FARS2: variants seen among roughly 807,000 people sequenced by gnomAD.
FARS2 encodes phenylalanine--tRNA ligase, mitochondrial.
FARS2 carries 40 observed loss-of-function variants against 46.4 expected under a neutral mutation model. That is an observed-to-expected ratio of 0.86 (90% CI 0.67 to 1.12). The LOEUF (loss-of-function observed/expected upper bound fraction) is 1.12, where lower values mean the gene tolerates loss of function less well. Ranked by LOEUF, FARS2 falls within the 50% of genes most tolerant of loss-of-function variation. FARS2 has a pLI of 0.00. For missense variants in FARS2, 513 were observed against 567.9 expected (o/e 0.90, Z 0.98); for synonymous variants, 234 against 214.9 (o/e 1.09, Z -0.78).
chr6:5,639,270 C>T (rs892256938), intron 6 of FARS2, among the ~76,000 whole-genome samples: 5 of 152,212 alleles, frequency 3.3e-5, no homozygotes, highest in South Asian at 2.1e-4. Flanking sequence ...TTCAGCCTTT[C>T]GGTGGCCAGC....
upstream of FARS2, among the ~76,000 whole-genome samples, chr6:5,257,796 T>C (rs944524982): frequency 1.3e-5 from 2 of 152,182 alleles, no homozygotes; most frequent in African/African-American, 2.4e-5. Flanking sequence ...ATGGAAAAAC[T>C]GTCTTCCATG....
At chr6:5,544,833 C>G (rs1770863255) in intron 4 of FARS2, among the ~76,000 whole-genome samples, 1 of 152,126 alleles carries the variant, frequency 6.6e-6, no homozygotes, top group African/African-American at 2.4e-5. Context: ...ACTCTGTAAC[C>G]TATATTCAGT....
intron 3 of FARS2, among the ~76,000 whole-genome samples, chr6:5,430,294 T>A (rs1763088755): frequency 6.6e-6 from 1 of 152,178 alleles, no homozygotes; most frequent in South Asian, 2.1e-4. Context: ...GTTTCTCTGC[T>A]TTTAGTGACC....
At chr6:5,514,474 G>A (rs529924434) in intron 4 of FARS2, among the ~76,000 whole-genome samples, 7 of 152,296 alleles carry the variant, frequency 4.6e-5, no homozygotes, top group African/African-American at 1.4e-4. Flanking sequence ...TGTTCTAAAT[G>A]TCTAAAAGTT....
intron 2 of FARS2, among the ~76,000 whole-genome samples, chr6:5,373,473 A>G (rs573855056): frequency 1.4e-4 from 21 of 152,276 alleles, no homozygotes; most frequent in Non-Finnish European, 2.9e-4. Context: ...TGTAGGACAT[A>G]TTCAGGCTGT....
intron 6 of FARS2, among the ~76,000 whole-genome samples, chr6:5,717,125 A>C (rs1439697985): frequency 6.6e-6 from 1 of 152,172 alleles, no homozygotes; most frequent in Non-Finnish European, 1.5e-5. Context: ...GGGAACTTAT[A>C]ACCTACAGTC....
In FARS2 at chr6:5,471,613, A is replaced by G; in HGVS notation, c.904+40441A>G. Among the ~76,000 whole-genome samples the G allele has an allele frequency of 6.6e-6, 1 of 152,206 alleles. No individual in the cohort carries two copies. Among genetic ancestry groups the G allele is most frequent in the Admixed American group, 6.5e-5 (1 of 15,286 alleles). On this transcript the variant is annotated intron_variant, in intron 4 of 6. Transcript: ENST00000274680. This position sits in a 1 kb window ranked among gnomAD's most constrained non-coding sequence, Gnocchi z 4.1. ...TAGTGGCTCTTTGCTTTTAACCAAC[A>G]AAGGCCCTTAAGAAAAGGAAAATGA...
chr6:5,397,491 G>C (rs1760979683), intron 2 of FARS2, among the ~76,000 whole-genome samples: 2 of 152,190 alleles, frequency 1.3e-5, no homozygotes, highest in South Asian at 4.1e-4. Context: ...TGTAACAAGT[G>C]TACCACTCTG....
intron 5 of FARS2, among the ~76,000 whole-genome samples, chr6:5,572,557 G>A (rs1336272364): frequency 1.3e-5 from 2 of 151,950 alleles, no homozygotes; most frequent in East Asian, 1.9e-4. Context: ...ACAAATGTAC[G>A]ATCTCCTCTT....
At chr6:5,556,919 A>G (rs1771694112) in intron 5 of FARS2, among the ~76,000 whole-genome samples, 1 of 152,130 alleles carries the variant, frequency 6.6e-6, no homozygotes, top group South Asian at 2.1e-4. Context: ...AATATATTTT[A>G]GGAATCATCT....
In FARS2 at chr6:5,388,464, C is replaced by T. The variant is rs79429649; in HGVS notation, c.613-16078C>T. ...TTTTGGTGACAAGATCGTGTACCATCGCCAGTAATAAAATAGTTCTCTATG... is the reference window on the plus strand; with the variant it reads ...TTTTGGTGACAAGATCGTGTACCATTGCCAGTAATAAAATAGTTCTCTATG... On this transcript the variant is annotated intron_variant, in intron 2 of 6. Coordinates refer to ENST00000274680, the MANE Select transcript of FARS2 (RefSeq NM_006567.5). Among the ~76,000 whole-genome samples, 1,261 of 152,216 alleles carry T rather than the reference C, an allele frequency of 8.3e-3. 12 individuals are homozygous for T. Among genetic ancestry groups the T allele is most frequent in the African/African-American group, 0.028 (1,178 of 41,538 alleles).
In FARS2 at chr6:5,771,282, T is replaced by A. The variant is rs748697780; in HGVS notation, c.1218-9T>A. On this transcript the variant is annotated splice_polypyrimidine_tract_variant and intron_variant, in intron 6 of 6. Coordinates refer to ENST00000274680, the MANE Select transcript of FARS2 (RefSeq NM_006567.5). Reference sequence around the variant, plus strand: ...CCCGCACTCACCTGTGTTCTCTTCCTCTCTGTAGGACGCACAAGACCAGCC... The same window carrying A: ...CCCGCACTCACCTGTGTTCTCTTCCACTCTGTAGGACGCACAAGACCAGCC... 1 of 1,613,978 alleles carries A rather than the reference T, an allele frequency of 6.2e-7. No homozygotes were observed. The highest frequency in any genetic ancestry group is 8.5e-7 in the Non-Finnish European group (1 of 1,179,948).
chr6:5,392,115 C>T (rs748238196), intron 2 of FARS2, among the ~76,000 whole-genome samples: 1 of 152,034 alleles, frequency 6.6e-6, no homozygotes, highest in Non-Finnish European at 1.5e-5. Flanking sequence ...CTTAGAGGTC[C>T]CTGGAATCAA....
In FARS2 at chr6:5,546,929, G is replaced by GTTATTTTATTTTATT. The variant is rs58939691; in HGVS notation, c.1065+1606_1065+1620dup. 8.2e-3 allele frequency among the ~76,000 whole-genome samples: 1,243 copies of GTTATTTTATTTTATT among 151,152 alleles called. 17 individuals carry two copies. The highest frequency in any genetic ancestry group is 0.029 in the African/African-American group (1,188 of 41,074). ...TAAATTCTTTCACATATTCATAATG[G>GTTATTTTATTTTATT]TTATTTTATTTTATTTTATTTTATT... is the stretch of plus-strand genomic sequence containing the variant. On this transcript the variant is annotated intron_variant, in intron 5 of 6. Coordinates refer to ENST00000274680, the MANE Select transcript of FARS2 (RefSeq NM_006567.5).
At chr6:5,711,204 CA>C (rs1759125253) in intron 6 of FARS2, among the ~76,000 whole-genome samples, 1 of 151,818 alleles carries the variant, frequency 6.6e-6, no homozygotes, top group Non-Finnish European at 1.5e-5. Context: ...ACGTAAGAAG[CA>C]AAATAAACAA....
At chr6:5,506,630 A>G (rs1402601271) in intron 4 of FARS2, among the ~76,000 whole-genome samples, 1 of 152,228 alleles carries the variant, frequency 6.6e-6, no homozygotes, top group Non-Finnish European at 1.5e-5. Context: ...GTGGACACCC[A>G]GCATATACAA....
chr6:5,519,609 CGAA>C (rs1303856667), intron 4 of FARS2, among the ~76,000 whole-genome samples: 1 of 152,042 alleles, frequency 6.6e-6, no homozygotes, highest in African/African-American at 2.4e-5. Flanking sequence ...ACAAGGCCAA[CGAA>C]GAAGATGTAT....
intron 5 of FARS2, among the ~76,000 whole-genome samples, chr6:5,578,453 G>A (rs1052155775): frequency 1.1e-4 from 16 of 152,114 alleles, no homozygotes; most frequent in African/African-American, 3.9e-4. Context: ...GGGCTGGAAG[G>A]TGGAATTAGT....
At chr6:5,582,055 G>A (rs984558630) in intron 5 of FARS2, among the ~76,000 whole-genome samples, 2 of 114,618 alleles carry the variant, frequency 1.7e-5, no homozygotes, top group African/African-American at 6.9e-5. Context: ...TTCCTGATGC[G>A]CTTCTATAAA....
Sources: gnomAD v4.1 joint callset for allele counts (sites outside exome capture counted in the v4.1 genomes callset) on GRCh38, gnomAD v4.1.1 for gene constraint, Gnocchi (gnomAD v3.1) non-coding constraint, MANE v1.5 for transcripts, NCBI Gene and HGNC (gene_info 2026-07-23, HGNC 2026-07-21) for gene names.